SLC9A9: variants seen among roughly 807,000 people sequenced by gnomAD.
The protein encoded by SLC9A9 is solute carrier family 9 member A9.
SLC9A9 carries 62 observed loss-of-function variants against 77.8 expected under a neutral mutation model. The observed-to-expected ratio is 0.80, with a 90% CI of 0.65 to 0.98. The LOEUF (loss-of-function observed/expected upper bound fraction) is 0.98, where lower values mean the gene tolerates loss of function less well. SLC9A9 is among the 50% of genes least tolerant of loss of function. SLC9A9 has a pLI of 0.00. For missense variants in SLC9A9, 775 were observed against 774.9 expected, an observed-to-expected ratio of 1.00 and a Z score of 0.00; for synonymous variants, 320 against 283.5, an observed-to-expected ratio of 1.13 and a Z score of -1.29.
intron 14 of SLC9A9, among the ~76,000 whole-genome samples, chr3:143,302,036 A>G (rs943449272): frequency 5.9e-5 from 9 of 152,046 alleles, no homozygotes; most frequent in Non-Finnish European, 1.2e-4. Context: ...GGTTGGGGAG[A>G]GAGGTGTTGC....
intron 6 of SLC9A9, among the ~76,000 whole-genome samples, chr3:143,616,546 TA>T (rs2038110717): frequency 1.3e-5 from 2 of 152,288 alleles, no homozygotes; most frequent in South Asian, 4.1e-4. Flanking sequence ...CTATGCTGCT[TA>T]AAATGTCGAG....
intron 4 of SLC9A9, among the ~76,000 whole-genome samples, chr3:143,783,192 C>T (rs973644291): frequency 8.5e-5 from 13 of 152,088 alleles, no homozygotes; most frequent in African/African-American, 3.1e-4. Context: ...AGGATATGTG[C>T]TTTTGAAAGT....
At chr3:143,616,311 G>A (rs1423418551) in intron 6 of SLC9A9, among the ~76,000 whole-genome samples, 1 of 152,160 alleles carries the variant, frequency 6.6e-6, no homozygotes, top group African/African-American at 2.4e-5. Context: ...CAGTGAATTA[G>A]AAAGAGTTGG....
intron 12 of SLC9A9, among the ~76,000 whole-genome samples, chr3:143,449,994 A>ACAT (rs1553756190): frequency 2.5e-5 from 2 of 79,308 alleles, no homozygotes; most frequent in Non-Finnish European, 4.0e-5. Context: ...GTATATATAC[A>ACAT]TATATATACA....
intron 2 of SLC9A9, among the ~76,000 whole-genome samples, chr3:143,804,994 A>ATTTT (rs2008672244): frequency 6.6e-6 from 1 of 152,120 alleles, no homozygotes; most frequent in Non-Finnish European, 1.5e-5. Flanking sequence ...AATGAAGAGT[A>ATTTT]TTGTTTTTAC....
intron 2 of SLC9A9, among the ~76,000 whole-genome samples, chr3:143,803,938 C>T (rs1426313842): frequency 6.6e-6 from 1 of 152,180 alleles, no homozygotes; most frequent in Non-Finnish European, 1.5e-5. Context: ...AGACATTTCA[C>T]ATCAGCAAGC....
chr3:143,826,563 A>G (rs1370732107), intron 2 of SLC9A9, among the ~76,000 whole-genome samples: 2 of 152,078 alleles, frequency 1.3e-5, no homozygotes, highest in Non-Finnish European at 2.9e-5. Context: ...TGCTTTTGTC[A>G]ACATTACACT....
At chr3:143,371,625 T>C (rs1308357936) in intron 13 of SLC9A9, among the ~76,000 whole-genome samples, 1 of 152,034 alleles carries the variant, frequency 6.6e-6, no homozygotes, top group African/African-American at 2.4e-5. Flanking sequence ...CTAAAAAATA[T>C]GGTAGGGAAT....
chr3:143,490,118 T>C (rs1405744489), intron 11 of SLC9A9, among the ~76,000 whole-genome samples: 1 of 152,110 alleles, frequency 6.6e-6, no homozygotes, highest in East Asian at 1.9e-4. Flanking sequence ...TGGCAGCTTC[T>C]CAAAACATTC....
At chr3:143,837,716 T>A (rs1456415438) in intron 1 of SLC9A9, among the ~76,000 whole-genome samples, 1 of 152,198 alleles carries the variant, frequency 6.6e-6, no homozygotes, top group Non-Finnish European at 1.5e-5. Flanking sequence ...CTCTCCCTGC[T>A]GATAACCGGT....
intron 5 of SLC9A9, among the ~76,000 whole-genome samples, chr3:143,672,926 T>C (rs1215871801): frequency 6.6e-6 from 1 of 152,096 alleles, no homozygotes; most frequent in Non-Finnish European, 1.5e-5. Flanking sequence ...GCAGTGCAGC[T>C]CACACATCAC....
chr3:143,824,379 G>C (rs941721479), intron 2 of SLC9A9, among the ~76,000 whole-genome samples: 2 of 151,998 alleles, frequency 1.3e-5, no homozygotes, highest in Non-Finnish European at 2.9e-5. Context: ...CCTCTGCTTT[G>C]AAATTCCCTT....
At chr3:143,723,968 G>A (rs566534136) in intron 4 of SLC9A9, among the ~76,000 whole-genome samples, 1 of 152,306 alleles carries the variant, frequency 6.6e-6, no homozygotes, top group African/African-American at 2.4e-5. Context: ...ACCCCTGATG[G>A]TCAGAGGTAC....
chr3:143,370,567 G>GTGCACACACA (rs1553747861), intron 13 of SLC9A9, among the ~76,000 whole-genome samples: 2 of 143,420 alleles, frequency 1.4e-5, no homozygotes, highest in African/African-American at 5.2e-5. Context: ...GCATGTGCGC[G>GTGCACACACA]CACACACACA....
At chr3:143,433,799 G>T (rs191599696) in intron 12 of SLC9A9, among the ~76,000 whole-genome samples, 1 of 152,326 alleles carries the variant, frequency 6.6e-6, no homozygotes, top group Admixed American at 6.5e-5. Context: ...AGGAGTCTCA[G>T]AAAACTTTAT....
chr3:143,396,950 A>G (rs139490657), intron 12 of SLC9A9, among the ~76,000 whole-genome samples: 1 of 152,304 alleles, frequency 6.6e-6, no homozygotes, highest in Non-Finnish European at 1.5e-5. Flanking sequence ...TATGCTGAAA[A>G]CATTATGTTC....
chr3:143,545,219 A>G (rs965626125), intron 9 of SLC9A9, among the ~76,000 whole-genome samples: 8 of 152,112 alleles, frequency 5.3e-5, no homozygotes, highest in African/African-American at 1.4e-4. Flanking sequence ...GCGTGACAAT[A>G]TCCTAATTAA....
intron 4 of SLC9A9, among the ~76,000 whole-genome samples, chr3:143,790,473 G>T (rs915706354): frequency 2.0e-5 from 3 of 152,096 alleles, no homozygotes; most frequent in Non-Finnish European, 4.4e-5. Context: ...TGAAATTATT[G>T]AGGTCTTAGT....
At chr3:143,742,402 C>T (rs1233838809) in intron 4 of SLC9A9, among the ~76,000 whole-genome samples, 1 of 152,174 alleles carries the variant, frequency 6.6e-6, no homozygotes, top group Non-Finnish European at 1.5e-5. Context: ...TGCAATTCCC[C>T]TGTCTTGATG....
Sources: allele counts gnomAD v4.1 joint callset (sites outside exome capture counted in the v4.1 genomes callset), GRCh38; gene constraint gnomAD v4.1.1; transcripts MANE v1.5; gene names NCBI Gene and HGNC (gene_info 2026-07-23, HGNC 2026-07-21).